INSL6: variants seen among roughly 807,000 people sequenced by gnomAD.
INSL6 encodes insulin-like peptide INSL6.
In INSL6, 16 loss-of-function variants were observed where a neutral mutation model predicts 9.4. The ratio of observed to expected loss-of-function variants is 1.70; its 90% CI spans 1.15 to 2.59. INSL6 has a LOEUF of 2.59. Ranked by LOEUF, INSL6 falls within the 30% of genes most tolerant of loss-of-function variation. The pLI is 0.00. For synonymous variants in INSL6, 154 were observed against 96.9 expected, an observed-to-expected ratio of 1.59 and a Z score of -3.46; for missense variants, 391 against 257.3, an observed-to-expected ratio of 1.52 and a Z score of -3.56.
At chr9:5,011,654 C>T in the INSL6 span, among the ~76,000 whole-genome samples, 137 of 151,814 alleles carry the variant, frequency 9.0e-4, 1 homozygote, top group African/African-American at 3.1e-3. Flanking sequence ...TATATATATT[C>T]TTCTTTTCAT....
At chr9:5,114,356 G>A in the INSL6 span, 4 of 536,010 alleles carry the variant, frequency 7.5e-6, no homozygotes, top group Admixed American at 2.2e-5. Context: ...AAGAGAAGCA[G>A]TGCAATGGCA....
chr9:5,110,226 G>C, the INSL6 span: 1 of 152,182 alleles, frequency 6.6e-6, no homozygotes, highest in Non-Finnish European at 1.5e-5. Context: ...TATAGTTGTA[G>C]CAGGAGTTTT....
chr9:5,042,327 C>T, the INSL6 span, among the ~76,000 whole-genome samples: 2 of 150,888 alleles, frequency 1.3e-5, no homozygotes, highest in Non-Finnish European at 3.0e-5. Flanking sequence ...TTAGTAGAGA[C>T]GGGGTTTCAC....
the INSL6 span, among the ~76,000 whole-genome samples, chr9:5,023,358 C>G: frequency 6.6e-6 from 1 of 152,180 alleles, no homozygotes; most frequent in Non-Finnish European, 1.5e-5. Context: ...TACGATGCCA[C>G]TGGGCCCCAG....
chr9:4,993,515 C>T, the INSL6 span, among the ~76,000 whole-genome samples: 1 of 152,184 alleles, frequency 6.6e-6, no homozygotes, highest in African/African-American at 2.4e-5. Context: ...CTCCTTAATT[C>T]ATTAGGTCAG....
intron 3 of INSL6, chr9:5,132,898 C>CT (rs1448319891): frequency 6.6e-6 from 1 of 152,192 alleles, no homozygotes; most frequent in East Asian, 1.9e-4. Flanking sequence ...TCTGCTACCG[C>CT]TCTGGGAATA....
rs755260249 is a variant in INSL6 at position 5,185,558 on chromosome 9, C to T, written c.45G>A (p.Leu15=). The T allele has an allele frequency of 6.2e-7, 1 of 1,613,918 alleles. No individual in the cohort carries two copies. The highest frequency in any genetic ancestry group is 1.1e-5 in the South Asian group (1 of 91,056). The change falls in exon 1 of 2, where the codon CTG becomes CTA. Residue 15 remains leucine, a synonymous_variant. Transcript: ENST00000381641. ...LRLSLLWLGL[L]LVRFSRELSD... ...TCAGTTCACGAGAAAACCGAACCAG[C>T]AGGAGTCCAAGCCACAGCAGGGACA...
At chr9:5,012,088 A>G in the INSL6 span, among the ~76,000 whole-genome samples, 2 of 152,090 alleles carry the variant, frequency 1.3e-5, no homozygotes, top group Non-Finnish European at 1.5e-5. Flanking sequence ...ACTGACTCCC[A>G]TTTTCCTGAG....
intron 3 of INSL6, chr9:5,133,399 T>G (rs1367677561): frequency 6.6e-6 from 1 of 152,046 alleles, no homozygotes; most frequent in African/African-American, 2.4e-5. Context: ...AAAAATAGTT[T>G]ACACATAATC....
chr9:5,070,071 A>G, the INSL6 span: 13 of 1,564,750 alleles, frequency 8.3e-6, no homozygotes, highest in African/African-American at 1.4e-5. Context: ...TTAGATACTC[A>G]TTACTGTCTT....
intron 3 of INSL6, among the ~76,000 whole-genome samples, chr9:5,129,606 GT>G (rs796808318): frequency 1.3e-5 from 2 of 151,986 alleles, no homozygotes; most frequent in African/African-American, 4.8e-5. Context: ...AAAAGACTAG[GT>G]TTTATGAGAT....
At chr9:5,085,299 G>C in the INSL6 span, 16 of 724,902 alleles carry the variant, frequency 2.2e-5, no homozygotes, top group Non-Finnish European at 3.4e-5. Context: ...TAGAACATGA[G>C]GTGAAGTCGA....
the INSL6 span, chr9:5,078,487 T>C: frequency 6.5e-7 from 1 of 1,528,404 alleles, no homozygotes; most frequent in Non-Finnish European, 8.9e-7. Flanking sequence ...TAAGCTTTAC[T>C]TGGGCAGTGG....
downstream of INSL6, among the ~76,000 whole-genome samples, chr9:5,121,016 G>A (rs540010799): frequency 3.0e-4 from 45 of 152,184 alleles, 1 homozygote; most frequent in South Asian, 7.7e-3. Context: ...GTATATAGGT[G>A]GATGATACTA....
downstream of INSL6, among the ~76,000 whole-genome samples, chr9:5,159,513 T>A (rs575212422): frequency 2.6e-5 from 4 of 152,042 alleles, no homozygotes; most frequent in African/African-American, 9.7e-5. Flanking sequence ...CTACTTATAT[T>A]AGACAAATTA....
the INSL6 span, among the ~76,000 whole-genome samples, chr9:4,994,832 G>C: frequency 6.6e-6 from 1 of 152,142 alleles, no homozygotes; most frequent in Non-Finnish European, 1.5e-5. Flanking sequence ...TCTGAGAGTT[G>C]TCTGTATTTG....
intron 2 of INSL6, among the ~76,000 whole-genome samples, chr9:5,148,785 G>A (rs1824652440): frequency 6.6e-6 from 1 of 152,184 alleles, no homozygotes; most frequent in South Asian, 2.1e-4. Context: ...TTCCTGGTGT[G>A]GTGGGAGATC....
intron 1 of INSL6, among the ~76,000 whole-genome samples, chr9:5,169,146 A>T (rs1825125888): frequency 6.6e-6 from 1 of 152,098 alleles, no homozygotes; most frequent in East Asian, 1.9e-4. Context: ...GGCTGATCTC[A>T]AACTCCTGAC....
At chr9:5,122,582 A>G (rs1450956818), downstream of INSL6, among the ~76,000 whole-genome samples, 4 of 152,106 alleles carry the variant, frequency 2.6e-5, no homozygotes, top group East Asian at 7.7e-4. Flanking sequence ...GAGATTCCCA[A>G]GACCATCCCC....
Sources: allele counts gnomAD v4.1 joint callset (sites outside exome capture counted in the v4.1 genomes callset), GRCh38; gene constraint gnomAD v4.1.1; transcripts MANE v1.5; gene names NCBI Gene and HGNC (gene_info 2026-07-23, HGNC 2026-07-21).